SLC45A1: variants seen among roughly 807,000 people sequenced by gnomAD.
SLC45A1 encodes the protein proton-associated sugar transporter A.
In SLC45A1, 28 loss-of-function variants were observed where a neutral mutation model predicts 57.6. The observed-to-expected ratio is 0.49, with a 90% CI of 0.36 to 0.67. The LOEUF (loss-of-function observed/expected upper bound fraction) is 0.67. SLC45A1 is among the 30% of genes least tolerant of loss of function. The pLI, the probability that SLC45A1 is intolerant of heterozygous loss-of-function variation, is 0.00. For missense variants in SLC45A1, 814 were observed against 1,041.5 expected, an observed-to-expected ratio of 0.78 and a Z score of 3.01; for synonymous variants, 459 against 471.5, an observed-to-expected ratio of 0.97 and a Z score of 0.34.
rs949175321 is a variant in SLC45A1, at chr1:8,325,948, C to T, written c.621C>T (p.Ala207=). 5.0e-6 allele frequency: 8 copies of T among 1,613,528 alleles called. No homozygotes were observed. Among genetic ancestry groups the T allele is most frequent in the Middle Eastern group, 3.3e-4 (2 of 6,062 alleles). ...VCGVVLMDFS[A]DSADNPSHAY... ...GTGTGGTGCTGATGGACTTTAGCGC[C>T]GACTCGGCGGACAACCCCAGCCACG... is the stretch of plus-strand genomic sequence containing the variant. The change falls in exon 4 of 9, where the codon GCC becomes GCT. Residue 207 remains alanine (A), a synonymous_variant. Coordinates refer to ENST00000471889, the MANE Select transcript of SLC45A1 (RefSeq NM_001080397.3). This position sits in a 1 kb window ranked among gnomAD's most constrained non-coding sequence, Gnocchi z 6.3.
chr1:8,336,957 G>A (rs1640632231), intron 6 of SLC45A1, among the ~76,000 whole-genome samples: 2 of 152,200 alleles, frequency 1.3e-5, no homozygotes, highest in Non-Finnish European at 2.9e-5. Context: ...GGTAGCTGGA[G>A]CACCTCCACT....
At chr1:8,337,480 G>A (rs555100883) in intron 6 of SLC45A1, among the ~76,000 whole-genome samples, 4 of 152,234 alleles carry the variant, frequency 2.6e-5, no homozygotes, top group Admixed American at 1.3e-4. Context: ...GGGCAGTGGC[G>A]CGATCTCAGC....
At chr1:8,338,055 G>A (rs113136951) in intron 7 of SLC45A1, 63 bp downstream of exon 7, 123 of 1,481,330 alleles carry the variant, frequency 8.3e-5, no homozygotes, top group Middle Eastern at 2.0e-4. Flanking sequence ...TGGAGCATGC[G>A]AAATGAAGGC....
rs1420425458 is a variant in SLC45A1, at chr1:8,325,799, T to C, written c.491-19T>C. On this transcript the variant is annotated intron_variant, in intron 3 of 8. Coordinates refer to ENST00000471889, the MANE Select transcript of SLC45A1 (RefSeq NM_001080397.3). The surrounding 1 kb of genome is among the most constrained non-coding windows in gnomAD (Gnocchi z 6.3). ...CTGGTCTGCATTTTCTTGGGGTGAC[T>C]TTGTTTCTCTGTGTCCAGGGGCACT... The C allele has an allele frequency of 6.2e-7, 1 of 1,608,962 alleles. No individual in the cohort carries two copies. Among genetic ancestry groups the C allele is most frequent in the Admixed American group, 1.7e-5 (1 of 59,980 alleles).
chr1:8,341,955 C>T (rs2124330174), intron 8 of SLC45A1, among the ~76,000 whole-genome samples: 1 of 151,858 alleles, frequency 6.6e-6, no homozygotes, highest in East Asian at 1.9e-4. Context: ...CGCCTGTAAT[C>T]CCAGCACTTT....
chr1:8,318,773 C>T (rs1639903032), intron 1 of SLC45A1, among the ~76,000 whole-genome samples: 1 of 152,202 alleles, frequency 6.6e-6, no homozygotes, highest in African/African-American at 2.4e-5. Context: ...TACAGGGAAG[C>T]AGAGTCAGGG....
At chr1:8,320,050 T>C (rs1639953043) in intron 1 of SLC45A1, among the ~76,000 whole-genome samples, 1 of 152,200 alleles carries the variant, frequency 6.6e-6, no homozygotes, top group South Asian at 2.1e-4. Flanking sequence ...CTTCTTATGA[T>C]AAACATTTGT....
In SLC45A1 at chr1:8,342,791, C is replaced by T. The variant is rs184464669; in HGVS notation, c.1981-956C>T. ...GCATGCACCGGTAGTTCCAGCTACT[C>T]GGGAGGCTGAGGTGGGAGGATCACT... On this transcript the variant is annotated intron_variant, in intron 8 of 8. Coordinates refer to ENST00000471889, the MANE Select transcript of SLC45A1 (RefSeq NM_001080397.3). 3.8e-3 allele frequency among the ~76,000 whole-genome samples: 395 copies of T among 104,858 alleles called. 2 individuals carry two copies. The highest frequency in any genetic ancestry group is 5.9e-3 in the Non-Finnish European group (266 of 45,350). The allele number at this position is 104,858 out of a possible 152,430, so 68.8% of individuals were successfully genotyped here.
chr1:8,323,579 A>T (rs555254069), intron 1 of SLC45A1, among the ~76,000 whole-genome samples: 1 of 151,366 alleles, frequency 6.6e-6, no homozygotes, highest in East Asian at 2.0e-4. Context: ...CTGCATTCGC[A>T]TGTTGTCTGT....
Position 8,330,826 on chromosome 1 carries a change from C to A in SLC45A1, c.1333C>A (p.Pro445Thr), listed in dbSNP as rs893702427. ...LRVGSLDTSK[P>T]RSSGILKRPQ... Reference sequence around the variant, plus strand: ...GGTGGGCTCCTTGGACACCTCTAAGCCGAGGTCATCAGGGATTCTGAAGAG... The same window carrying A: ...GGTGGGCTCCTTGGACACCTCTAAGACGAGGTCATCAGGGATTCTGAAGAG... The change falls in exon 5 of 9, where the codon CCG becomes ACG. Residue 445 changes from proline to threonine, a missense_variant. Physicochemically the swap from Pro to Thr is conservative, Grantham distance 38 (BLOSUM62 -1). Transcript: ENST00000471889. The surrounding 1 kb of genome is among the most constrained non-coding windows in gnomAD (Gnocchi z 8.4). 6.2e-7 allele frequency: 1 copy of A among 1,613,492 alleles called. No homozygotes were observed. The highest frequency in any genetic ancestry group is 8.5e-7 in the Non-Finnish European group (1 of 1,180,044).
At chr1:8,331,318 A>T (rs1176745821) in intron 5 of SLC45A1, among the ~76,000 whole-genome samples, 8 of 127,550 alleles carry the variant, frequency 6.3e-5, no homozygotes, top group Non-Finnish European at 6.6e-5. Context: ...TTTTTAAAAA[A>T]CACTTTTAAA....
rs1190185347 is a variant in SLC45A1 at position 8,325,329 on chromosome 1, G to A, written c.429G>A (p.Trp143Ter). 3 of 1,613,748 alleles carry A rather than the reference G, an allele frequency of 1.9e-6. No homozygotes were observed. Among genetic ancestry groups the A allele is most frequent in the Non-Finnish European group, 2.5e-6 (3 of 1,179,904 alleles). ...GFLLQPLLGA[W>*]SDRCTSRFGR... ...TACTGCAGCCTCTGTTGGGTGCTTG[G>A]AGTGACCGGTGTACCTCAAGGTTTG... The change falls in exon 3 of 9, where the codon TGG (tryptophan) becomes TGA (stop). Residue 143 changes from tryptophan (W) to a stop codon, truncating the protein, a stop_gained. Transcript: ENST00000471889. LOFTEE classifies it high-confidence loss of function. This position sits in a 1 kb window ranked among gnomAD's most constrained non-coding sequence, Gnocchi z 6.3.
chr1:8,326,490 C>T lies in SLC45A1; in HGVS notation c.715+448C>T, dbSNP rs1640207682. ...TTCATCTGTGCCTTTGGCTGATTAACATTGAATTGACGGCCGACAGCGCTG... is the reference window on the plus strand; with the variant it reads ...TTCATCTGTGCCTTTGGCTGATTAATATTGAATTGACGGCCGACAGCGCTG... On this transcript the variant is annotated intron_variant, in intron 4 of 8. Transcript: ENST00000471889. This position sits in a 1 kb window ranked among gnomAD's most constrained non-coding sequence, Gnocchi z 5.5. Among the ~76,000 whole-genome samples the T allele has an allele frequency of 1.3e-5, 2 of 152,172 alleles. No homozygotes were observed. Among genetic ancestry groups the T allele is most frequent in the South Asian group, 4.1e-4 (2 of 4,828 alleles).
rs372016754 is a variant in SLC45A1 at position 8,343,707 on chromosome 1, C to T, written c.1981-40C>T. Reference sequence around the variant, plus strand: ...CCGAGCTCGGTCACCCCGTGCTGGCCGCGGCGTGTCTCGCTGACACGTTTC... The same window carrying T: ...CCGAGCTCGGTCACCCCGTGCTGGCTGCGGCGTGTCTCGCTGACACGTTTC... On this transcript the variant is annotated intron_variant, in intron 8 of 8. Transcript: ENST00000471889. This position sits in a 1 kb window ranked among gnomAD's most constrained non-coding sequence, Gnocchi z 7.7. 1.6e-4 allele frequency: 253 copies of T among 1,579,756 alleles called. 1 individual carries two copies. Among genetic ancestry groups the T allele is most frequent in the Middle Eastern group, 1.7e-4 (1 of 5,978 alleles).
At chr1:8,324,220 C>A in intron 1 of SLC45A1, 86 bp from the exon 2 acceptor site, 1 of 1,250,086 alleles carries the variant, frequency 8.0e-7, no homozygotes, top group African/African-American at 1.5e-5. Context: ...GTGTTTGACT[C>A]TAAATTCTGC....
chr1:8,318,172 C>T lies in SLC45A1; in HGVS notation c.-39C>T, dbSNP rs1023066186. ...GCCCAGCGGGGACAGGGATGCCTGC[C>T]GTCTCCACCCACAGGTACCACCGTC... On this transcript the variant is annotated 5_prime_UTR_variant, in exon 1 of 9. Coordinates refer to ENST00000471889, the MANE Select transcript of SLC45A1 (RefSeq NM_001080397.3). The T allele has an allele frequency of 1.1e-5, 5 of 444,080 alleles. No individual in the cohort carries two copies. The highest frequency in any genetic ancestry group is 4.4e-5 in the Admixed American group (1 of 22,896). The allele number at this position is 444,080 out of a possible 1,614,324, so 27.5% of individuals were successfully genotyped here.
intron 7 of SLC45A1, among the ~76,000 whole-genome samples, 156 bp downstream of exon 7, chr1:8,338,148 T>G (rs1640682184): frequency 6.6e-6 from 1 of 152,226 alleles, no homozygotes; most frequent in Non-Finnish European, 1.5e-5. Context: ...GCGCTGGGCC[T>G]GGGGGAGCTG....
At chr1:8,319,389 C>T (rs913278377) in intron 1 of SLC45A1, among the ~76,000 whole-genome samples, 1 of 152,176 alleles carries the variant, frequency 6.6e-6, no homozygotes, top group Non-Finnish European at 1.5e-5. Context: ...ATGGTTTCCG[C>T]TCGTAGTAGG....
rs1366952549 is a variant in SLC45A1 at position 8,330,489 on chromosome 1, C to A, written c.996C>A (p.Thr332=). Reference sequence around the variant, plus strand: ...ACAGCCTCCCGTCGCACACGGCCACCAACTTCTCCAGCCCCATCTCGCCGC... The same window carrying A: ...ACAGCCTCCCGTCGCACACGGCCACAAACTTCTCCAGCCCCATCTCGCCGC... ...PGDSLPSHTA[T]NFSSPISPPS... Residue 332 remains threonine, a synonymous_variant, in exon 5 of 9, where the codon ACC becomes ACA. Transcript: ENST00000471889. This position sits in a 1 kb window ranked among gnomAD's most constrained non-coding sequence, Gnocchi z 8.4. The A allele has an allele frequency of 1.2e-6, 2 of 1,613,066 alleles. No homozygotes were observed. The highest frequency in any genetic ancestry group is 3.3e-5 in the Admixed American group (2 of 60,022).
Sources: allele counts gnomAD v4.1 joint callset (sites outside exome capture counted in the v4.1 genomes callset), GRCh38; gene constraint gnomAD v4.1.1; non-coding constraint Gnocchi (gnomAD v3.1); transcripts MANE v1.5; gene names NCBI Gene and HGNC (gene_info 2026-07-23, HGNC 2026-07-21).